KIF5C: variants seen among roughly 807,000 people sequenced by gnomAD.
KIF5C encodes the protein kinesin family member 5C, also known as kinesin heavy chain isoform 5C.
Under a neutral mutation model 125.2 loss-of-function variants are expected in KIF5C, and 18 were observed. That is an observed-to-expected ratio of 0.14 (90% CI 0.10 to 0.21). The LOEUF (loss-of-function observed/expected upper bound fraction) is 0.21, where lower values mean the gene tolerates loss of function less well. Ranked by LOEUF, KIF5C falls within the 10% of genes least tolerant of loss-of-function variation. The probability of loss-of-function intolerance (pLI) is 1.00; values close to 1 mark genes in which losing one functional copy is unlikely to be tolerated. For missense variants in KIF5C, 780 were observed against 1,183.8 expected, an observed-to-expected ratio of 0.66 and a Z score of 5.01; for synonymous variants, 405 against 434.0, an observed-to-expected ratio of 0.93 and a Z score of 0.83.
rs999476384 is a variant in KIF5C at position 148,875,503 on chromosome 2, G to A, written c.-115G>A. Reference sequence around the variant, plus strand: ...CGATGACCTGCTGAGAAGCGTCGTCGGAGGCTGCAGGAGGCGGCCTAGCTG... The same window carrying A: ...CGATGACCTGCTGAGAAGCGTCGTCAGAGGCTGCAGGAGGCGGCCTAGCTG... On this transcript the variant is annotated 5_prime_UTR_variant, in exon 1 of 26. Coordinates refer to ENST00000435030, the MANE Select transcript of KIF5C (RefSeq NM_004522.3). The A allele has an allele frequency of 2.4e-6, 2 of 838,806 alleles. No homozygotes were observed. Among genetic ancestry groups the A allele is most frequent in the South Asian group, 3.3e-5 (2 of 60,962 alleles). 52.0% of individuals were successfully genotyped at this position (838,806 alleles called of 1,614,324 possible).
chr2:149,000,526 T>C lies in KIF5C; in HGVS notation c.2312+2T>C. The C allele has an allele frequency of 6.4e-7, 1 of 1,560,786 alleles. No individual in the cohort carries two copies. The highest frequency in any genetic ancestry group is 8.7e-7 in the Non-Finnish European group (1 of 1,145,718). On this transcript the variant is annotated splice_donor_variant, in intron 20 of 25. Coordinates refer to ENST00000435030, the MANE Select transcript of KIF5C (RefSeq NM_004522.3). LOFTEE classifies it high-confidence loss of function. ...AGAAATGAAGCTGGAAAAGCTCTTG[T>C]GAGTGCACTCTAAATATTTCCTCTA...
At chr2:148,931,632 C>T (rs1682187623) in intron 3 of KIF5C, among the ~76,000 whole-genome samples, 1 of 152,146 alleles carries the variant, frequency 6.6e-6, no homozygotes, top group Non-Finnish European at 1.5e-5. Context: ...CACTGCGCTC[C>T]AGCCTGGGTG....
Position 148,994,658 on chromosome 2 carries a change from C to T in KIF5C, c.2023+120C>T, listed in dbSNP as rs1388130111. 3 of 1,169,832 alleles carry T rather than the reference C, an allele frequency of 2.6e-6. No individual in the cohort carries two copies. In the African/African-American group the frequency reaches 4.8e-5, roughly 19 times the overall value. The allele number at this position is 1,169,832 out of a possible 1,614,324, so 72.5% of individuals were successfully genotyped here. ...AAAGCATTTCTAGGTCTACTGCAAACAAAACCATAACTAGAAAAAAAGGAG... is the reference window on the plus strand; with the variant it reads ...AAAGCATTTCTAGGTCTACTGCAAATAAAACCATAACTAGAAAAAAAGGAG... On this transcript the variant is annotated intron_variant, in intron 17 of 25. Transcript: ENST00000435030.
At position 149,025,557 on chromosome 2, in the gene KIF5C, C is replaced by A. The variant is rs1272380369; in HGVS notation, c.*2487C>A. 1 of 152,238 alleles carries A rather than the reference C, an allele frequency of 6.6e-6. No homozygotes were observed. Among genetic ancestry groups the A allele is most frequent in the Non-Finnish European group, 1.5e-5 (1 of 68,024 alleles). The allele number at this position is 152,238 out of a possible 1,614,324, so 9.4% of individuals were successfully genotyped here. The stretch of plus-strand genomic sequence containing the variant: ...AACCACACTTCTGAACAACTAAGCT[C>A]ATGAATATGATTTTGGTTATATGCA... On this transcript the variant is annotated 3_prime_UTR_variant, in exon 26 of 26. Transcript: ENST00000435030.
In KIF5C at chr2:149,016,370, C is replaced by T. The variant is rs1193825793; in HGVS notation, c.*7+4687C>T. Reference sequence around the variant, plus strand: ...GGTAAGCACTGGGGGTTGCCTAGGGCGTCACTGTAGGTGGCCATGGGGGAG... The same window carrying T: ...GGTAAGCACTGGGGGTTGCCTAGGGTGTCACTGTAGGTGGCCATGGGGGAG... On this transcript the variant is annotated intron_variant, in intron 25 of 25. Coordinates refer to ENST00000435030, the MANE Select transcript of KIF5C (RefSeq NM_004522.3). 3.9e-5 allele frequency among the ~76,000 whole-genome samples: 6 copies of T among 151,992 alleles called. No homozygotes were observed. In the East Asian group the frequency reaches 5.8e-4, roughly 15 times the overall value.
chr2:149,011,356 A>G (rs543367271), intron 24 of KIF5C, among the ~76,000 whole-genome samples: 1 of 152,356 alleles, frequency 6.6e-6, no homozygotes, highest in Non-Finnish European at 1.5e-5. Context: ...ATTGATGTTT[A>G]AGTTCTTTCT....
Position 148,984,031 on chromosome 2 carries a change from C to T in KIF5C, c.1716+265C>T, listed in dbSNP as rs149720210. ...GCTTTGTGTAAATTGGTTTATTTCT[C>T]AAATTGGTTTATTTCTCAACTTATT... is the stretch of plus-strand genomic sequence containing the variant. On this transcript the variant is annotated intron_variant, in intron 15 of 25. Transcript: ENST00000435030. Among the ~76,000 whole-genome samples, 28 of 152,328 alleles carry T rather than the reference C, an allele frequency of 1.8e-4. No homozygotes were observed. The East Asian group carries it at 2.3e-3, about 13-fold the overall frequency.
At chr2:148,965,322 A>G (rs928955630) in intron 11 of KIF5C, among the ~76,000 whole-genome samples, 2 of 152,138 alleles carry the variant, frequency 1.3e-5, no homozygotes, top group South Asian at 4.1e-4. Flanking sequence ...GAGAAAGAAG[A>G]GAAGACAGAG....
chr2:148,923,112 G>T (rs1681856245), intron 2 of KIF5C, among the ~76,000 whole-genome samples: 1 of 152,170 alleles, frequency 6.6e-6, no homozygotes, highest in Non-Finnish European at 1.5e-5. Context: ...CAAATGTCTT[G>T]ATGCTGCCCC....
chr2:148,970,574 G>A (rs1216633695), intron 11 of KIF5C, among the ~76,000 whole-genome samples: 1 of 152,220 alleles, frequency 6.6e-6, no homozygotes, highest in Non-Finnish European at 1.5e-5. Flanking sequence ...AGATGAGAGA[G>A]TCCCTTGACT....
intron 16 of KIF5C, 130 bp from the exon 17 acceptor site, chr2:148,994,291 C>A: frequency 7.8e-7 from 1 of 1,275,940 alleles, no homozygotes; most frequent in Non-Finnish European, 1.1e-6. Context: ...AAATGGGCAC[C>A]ATTTGGTTGT....
At chr2:148,956,753 C>T (rs1443885748) in intron 10 of KIF5C, among the ~76,000 whole-genome samples, 2 of 152,208 alleles carry the variant, frequency 1.3e-5, no homozygotes, top group South Asian at 2.1e-4. Context: ...GGATTTTGCT[C>T]AGTTCCTGCT....
intron 24 of KIF5C, 83 bp downstream of exon 24, chr2:149,010,434 G>A (rs557000792): frequency 7.5e-6 from 11 of 1,463,748 alleles, no homozygotes; most frequent in African/African-American, 1.4e-5. Flanking sequence ...TGAAGACAGC[G>A]CTGGCCCACT....
At chr2:149,011,774 A>C (rs1330388794) in intron 25 of KIF5C, 91 bp downstream of exon 25, 8 of 1,542,036 alleles carry the variant, frequency 5.2e-6, no homozygotes, top group African/African-American at 1.4e-5. Context: ...CCTTGAGTAG[A>C]GAGGAGTTCT....
At chr2:149,008,321 G>A (rs909759581) in intron 23 of KIF5C, among the ~76,000 whole-genome samples, 1 of 152,172 alleles carries the variant, frequency 6.6e-6, no homozygotes, top group African/African-American at 2.4e-5. Context: ...GGTTGGAGAG[G>A]GAAGTGTTCA....
At chr2:148,995,690 A>C (rs1319166084) in intron 17 of KIF5C, among the ~76,000 whole-genome samples, 1 of 152,246 alleles carries the variant, frequency 6.6e-6, no homozygotes, top group African/African-American at 2.4e-5. Context: ...TTAGATCAGC[A>C]AAAAAGAGGA....
intron 3 of KIF5C, among the ~76,000 whole-genome samples, chr2:148,935,232 C>T (rs1414516952): frequency 6.6e-6 from 1 of 152,172 alleles, no homozygotes; most frequent in Non-Finnish European, 1.5e-5. Context: ...GAGATGTCAG[C>T]ACTTGTATAA....
In KIF5C at chr2:148,876,978, A is replaced by AT. The variant is rs1302626359; in HGVS notation, c.126+1238dup. Among the ~76,000 whole-genome samples the AT allele has an allele frequency of 3.9e-5, 6 of 152,148 alleles. 1 individual carries two copies. Among genetic ancestry groups the AT allele is most frequent in the Admixed American group, 3.9e-4 (6 of 15,286 alleles). On this transcript the variant is annotated intron_variant, in intron 1 of 25. Transcript: ENST00000435030. The surrounding 1 kb of genome is among the most constrained non-coding windows in gnomAD (Gnocchi z 4.7). ...CTCCCCTTCCTCCAGTGGCTGGTGT[A>AT]TTTAGGTCAAGTGATTGACAGGTGA...
At chr2:149,016,747 C>T (rs1474152528) in intron 25 of KIF5C, among the ~76,000 whole-genome samples, 1 of 152,040 alleles carries the variant, frequency 6.6e-6, no homozygotes, top group East Asian at 1.9e-4. Flanking sequence ...AGGAGAGAGG[C>T]TGAGGTGAGG....
Sources: allele counts gnomAD v4.1 joint callset (sites outside exome capture counted in the v4.1 genomes callset), GRCh38; gene constraint gnomAD v4.1.1; non-coding constraint Gnocchi (gnomAD v3.1); transcripts MANE v1.5; gene names NCBI Gene and HGNC (gene_info 2026-07-23, HGNC 2026-07-21).